MDGA1: variants seen among roughly 807,000 people sequenced by gnomAD.
MDGA1 encodes MAM domain-containing glycosylphosphatidylinositol anchor protein 1.
MDGA1 carries 54 observed loss-of-function variants against 101.5 expected under a neutral mutation model. The ratio of observed to expected loss-of-function variants is 0.53; its 90% CI spans 0.43 to 0.67. The LOEUF is 0.67. MDGA1 is among the 30% of genes least tolerant of loss of function. MDGA1 has a pLI of 0.00. For missense variants in MDGA1, 1,083 were observed against 1,323.8 expected (o/e 0.82, Z 2.82); for synonymous variants, 533 against 558.3 (o/e 0.95, Z 0.64).
intron 8 of MDGA1, 144 bp downstream of exon 8, chr6:37,649,965 G>A: frequency 2.2e-6 from 2 of 892,280 alleles, no homozygotes; most frequent in Non-Finnish European, 3.6e-6. Context: ...TACAGCATGG[G>A]GCTGTCAAGG....
At chr6:37,677,442 G>T (rs1323061584) in intron 1 of MDGA1, among the ~76,000 whole-genome samples, 5 of 152,202 alleles carry the variant, frequency 3.3e-5, no homozygotes, top group Non-Finnish European at 5.9e-5. Flanking sequence ...CTACCCAAAT[G>T]CTCGGCAGCA....
intron 1 of MDGA1, among the ~76,000 whole-genome samples, chr6:37,690,839 T>C (rs1440471496): frequency 6.6e-6 from 1 of 150,420 alleles, no homozygotes; most frequent in African/African-American, 2.5e-5. Context: ...CAGCTTATGC[T>C]CCAGCCCAAC....
chr6:37,655,377 G>A lies in MDGA1; in HGVS notation c.579+323C>T, dbSNP rs1761460488. On this transcript the variant is annotated intron_variant, in intron 4 of 16. Coordinates refer to ENST00000434837, the MANE Select transcript of MDGA1 (RefSeq NM_153487.4). This position sits in a 1 kb window ranked among gnomAD's most constrained non-coding sequence, Gnocchi z 5.1. ...CATCTCCTCGCCCCCAGATCCTGCT[G>A]TGCCTGGCCACAGGTTCCCAATACT... 5.7e-6 allele frequency: 2 copies of A among 349,038 alleles called. No individual in the cohort carries two copies. The highest frequency in any genetic ancestry group is 4.5e-5 in the Admixed American group (1 of 22,132). The allele number at this position is 349,038 out of a possible 1,614,324, so 21.6% of individuals were successfully genotyped here.
chr6:37,660,863 T>C (rs1361903484), intron 2 of MDGA1, among the ~76,000 whole-genome samples: 6 of 152,230 alleles, frequency 3.9e-5, no homozygotes, highest in African/African-American at 1.4e-4. Context: ...TGGACTTTTA[T>C]GGTCCTGTTT....
intron 7 of MDGA1, 105 bp from the exon 8 acceptor site, chr6:37,650,510 TCTCTCC>T: frequency 1.6e-6 from 2 of 1,222,372 alleles, no homozygotes; most frequent in Non-Finnish European, 2.2e-6. Context: ...GGCAAGCCTC[TCTCTCC>T]CATCCCAGAC....
At chr6:37,662,499 G>A (rs1761648204) in intron 2 of MDGA1, among the ~76,000 whole-genome samples, 1 of 151,880 alleles carries the variant, frequency 6.6e-6, no homozygotes, top group South Asian at 2.1e-4. Context: ...ATCCAGGCAT[G>A]GTGACACACA....
intron 1 of MDGA1, among the ~76,000 whole-genome samples, chr6:37,693,301 C>T (rs952503815): frequency 6.6e-6 from 1 of 152,196 alleles, no homozygotes; most frequent in Non-Finnish European, 1.5e-5. Flanking sequence ...CCTGAAATTC[C>T]TTCTCCGTGC....
chr6:37,668,843 C>T (rs1761810907), intron 1 of MDGA1, among the ~76,000 whole-genome samples: 1 of 152,034 alleles, frequency 6.6e-6, no homozygotes, highest in South Asian at 2.1e-4. Context: ...CTCTCTTTCT[C>T]TCTCTCTCTC....
chr6:37,646,595 G>A (rs1761203917), intron 10 of MDGA1, among the ~76,000 whole-genome samples: 1 of 152,130 alleles, frequency 6.6e-6, no homozygotes, highest in South Asian at 2.1e-4. Flanking sequence ...AATCCTATGA[G>A]GCAAAAATCA....
intron 1 of MDGA1, among the ~76,000 whole-genome samples, chr6:37,682,367 C>T (rs907193141): frequency 1.3e-5 from 2 of 152,082 alleles, no homozygotes; most frequent in Admixed American, 1.3e-4. Flanking sequence ...GCCTGTAATC[C>T]CAGCTACTCG....
chr6:37,662,643 A>AAAAAAAAAGAAAAGAAAAG (rs572346506), intron 2 of MDGA1, among the ~76,000 whole-genome samples: 32 of 145,292 alleles, frequency 2.2e-4, no homozygotes, highest in Admixed American at 4.8e-4. Flanking sequence ...TCAAAAAAAA[A>AAAAAAAAAGAAAAGAAAAG]AAAACAAGGA....
chr6:37,652,152 G>C lies in MDGA1; in HGVS notation c.1171C>G (p.Pro391Ala), dbSNP rs2114024449. ...CTGCTGGTGACTGCGGGCAGCTCAG[G>C]ATCATTGCGGGTCACCAGCAGCCGC... ...SKRLLVTRND[P>A]ELPAVTSSLE... The change falls in exon 7 of 17, where the codon CCT becomes GCT. Residue 391 changes from proline (P) to alanine (A), a missense_variant. Transcript: ENST00000434837. The surrounding 1 kb of genome is among the most constrained non-coding windows in gnomAD (Gnocchi z 4.3). 6.2e-7 allele frequency: 1 copy of C among 1,613,946 alleles called. No individual in the cohort carries two copies. Among genetic ancestry groups the C allele is most frequent in the South Asian group, 1.1e-5 (1 of 91,078 alleles).
intron 13 of MDGA1, 30 bp from the exon 14 acceptor site, chr6:37,643,973 C>G (rs1764157608): frequency 1.1e-5 from 18 of 1,610,972 alleles, no homozygotes; most frequent in Non-Finnish European, 1.5e-5. Flanking sequence ...GCGCCAACAG[C>G]CCCCAAGACA....
At chr6:37,669,633 G>C (rs1761828467) in intron 1 of MDGA1, among the ~76,000 whole-genome samples, 1 of 152,114 alleles carries the variant, frequency 6.6e-6, no homozygotes, top group Admixed American at 6.5e-5. Flanking sequence ...ACCCCAAAGG[G>C]TCCCTGCCCC....
intron 9 of MDGA1, chr6:37,648,598 G>A (rs1365864477): frequency 1.1e-5 from 3 of 283,784 alleles, no homozygotes; most frequent in Non-Finnish European, 2.0e-5. Flanking sequence ...CTAGGCCTGT[G>A]GGAAGGCTAT....
intron 1 of MDGA1, among the ~76,000 whole-genome samples, chr6:37,682,536 C>T (rs1303550724): frequency 6.6e-6 from 1 of 152,200 alleles, no homozygotes; most frequent in African/African-American, 2.4e-5. Flanking sequence ...AACAGGCAAC[C>T]TCTAAGCCCT....
At chr6:37,644,056 C>G (rs191866153) in intron 13 of MDGA1, 113 bp from the exon 14 acceptor site, 8 of 1,344,362 alleles carry the variant, frequency 6.0e-6, no homozygotes, top group Non-Finnish European at 7.9e-6. Context: ...CCTCGCCCCA[C>G]GCATCCTGCC....
chr6:37,690,817 C>G (rs1762294301), intron 1 of MDGA1, among the ~76,000 whole-genome samples: 1 of 152,068 alleles, frequency 6.6e-6, no homozygotes, highest in South Asian at 2.1e-4. Flanking sequence ...CCTAACGGCC[C>G]CAGTTCCCTT....
chr6:37,648,458 G>C (rs569830559), intron 9 of MDGA1: 1 of 158,648 alleles, frequency 6.3e-6, no homozygotes, highest in African/African-American at 2.4e-5. Flanking sequence ...TGCTGGAACG[G>C]CTGGAAGCTG....
Sources: gnomAD v4.1 joint callset for allele counts (sites outside exome capture counted in the v4.1 genomes callset) on GRCh38, gnomAD v4.1.1 for gene constraint, Gnocchi (gnomAD v3.1) non-coding constraint, MANE v1.5 for transcripts, NCBI Gene and HGNC (gene_info 2026-07-23, HGNC 2026-07-21) for gene names.